The following RAD18 variants were observed in gnomAD, a reference collection of about 807,000 sequenced individuals.
RAD18 encodes the protein RAD18 E3 ubiquitin protein ligase.
RAD18 carries 47 observed loss-of-function variants against 60.4 expected under a neutral mutation model. The ratio of observed to expected loss-of-function variants is 0.78; its 90% confidence interval spans 0.62 to 0.99. The LOEUF (loss-of-function observed/expected upper bound fraction) is 0.99, where lower values mean the gene tolerates loss of function less well. RAD18 is among the 50% of genes least tolerant of loss of function. The pLI, the probability that RAD18 is intolerant of heterozygous loss-of-function variation, is 0.00. For synonymous variants in RAD18, 225 were observed against 195.5 expected (o/e 1.15, Z -1.26); for missense variants, 640 against 593.3 (o/e 1.08, Z -0.82).
chr3:8,926,001 C>T (rs960180360), intron 7 of RAD18, among the ~76,000 whole-genome samples: 5 of 151,656 alleles, frequency 3.3e-5, no homozygotes, highest in Admixed American at 2.0e-4. Context: ...AAAACTGGCA[C>T]AAGACAGGGA....
At chr3:8,886,492 G>T (rs954644419) in intron 12 of RAD18, among the ~76,000 whole-genome samples, 9 of 152,182 alleles carry the variant, frequency 5.9e-5, no homozygotes, top group Non-Finnish European at 1.3e-4. Flanking sequence ...TAAGAACATA[G>T]AATCTACTAG....
intron 7 of RAD18, among the ~76,000 whole-genome samples, chr3:8,932,184 ATT>A (rs770018156): frequency 1.6e-4 from 25 of 152,304 alleles, no homozygotes; most frequent in Admixed American, 3.3e-4. Context: ...AGTAAATTAA[ATT>A]TCGTCAAAAT....
chr3:8,886,732 T>C (rs1939571628), intron 12 of RAD18, among the ~76,000 whole-genome samples: 1 of 152,070 alleles, frequency 6.6e-6, no homozygotes, highest in Non-Finnish European at 1.5e-5. Context: ...GCTATCTAGA[T>C]GAATAAAGGG....
intron 11 of RAD18, among the ~76,000 whole-genome samples, chr3:8,893,422 A>T (rs918499476): frequency 6.6e-6 from 1 of 152,282 alleles, no homozygotes; most frequent in East Asian, 1.9e-4. Flanking sequence ...TGGAGGATCA[A>T]TGCAGGACAA....
chr3:8,921,452 C>T (rs1940318859), intron 7 of RAD18, among the ~76,000 whole-genome samples: 1 of 152,074 alleles, frequency 6.6e-6, no homozygotes, highest in African/African-American at 2.4e-5. Context: ...AGGAGTTCAA[C>T]ATCAGCCTGG....
intron 9 of RAD18, among the ~76,000 whole-genome samples, chr3:8,903,944 C>T (rs1204862845): frequency 6.6e-6 from 1 of 152,044 alleles, no homozygotes; most frequent in East Asian, 1.9e-4. Flanking sequence ...TGAACTATGG[C>T]ATTGTCTAAA....
At chr3:8,889,504 C>T (rs1486930199) in intron 12 of RAD18, among the ~76,000 whole-genome samples, 2 of 152,108 alleles carry the variant, frequency 1.3e-5, no homozygotes, top group Non-Finnish European at 2.9e-5. Context: ...AAGAGATGGA[C>T]ACAGTGCTGT....
chr3:8,951,769 C>G (rs939716154), intron 2 of RAD18, among the ~76,000 whole-genome samples: 3 of 152,188 alleles, frequency 2.0e-5, no homozygotes, highest in African/African-American at 7.2e-5. Flanking sequence ...TTAGCTTGAG[C>G]TGCCATAACA....
intron 7 of RAD18, among the ~76,000 whole-genome samples, chr3:8,931,225 A>G (rs1413223281): frequency 6.6e-6 from 1 of 152,208 alleles, no homozygotes; most frequent in Non-Finnish European, 1.5e-5. Flanking sequence ...AAATAGTAAT[A>G]AACAATGAGA....
Position 8,936,026 on chromosome 3 carries a change from T to G in RAD18, c.734A>C (p.Lys245Thr), listed in dbSNP as rs1940646093. ...ATCAGAGAGCAAATTATATACAGTT[T>G]TGGGCAGCGGCTTCCTTTTGTGAAC... ...SSVHKRKPLPKTVYNLLSDRD... is the reference protein window; with the variant it reads ...SSVHKRKPLPTTVYNLLSDRD... Residue 245 changes from lysine (K) to threonine (T), a missense_variant, in exon 7 of 13, where the codon AAA (lysine) becomes ACA (threonine). By Grantham distance (78) the Lys-to-Thr change is moderately conservative. Transcript: ENST00000264926. 6.2e-7 allele frequency: 1 copy of G among 1,600,750 alleles called. No homozygotes were observed. The highest frequency in any genetic ancestry group is 8.5e-7 in the Non-Finnish European group (1 of 1,174,902).
rs1240809908 is a variant in RAD18 at position 8,878,967 on chromosome 3, T to C, written c.*2390A>G. The C allele has an allele frequency of 6.6e-6, 1 of 152,228 alleles. No individual in the cohort carries two copies. Among genetic ancestry groups the C allele is most frequent in the Non-Finnish European group, 1.5e-5 (1 of 68,040 alleles). 9.4% of individuals were successfully genotyped at this position (152,228 alleles called of 1,614,324 possible). A position where few individuals can be genotyped will look rare whatever the true frequency, so the allele number is the denominator to read the frequency against. ...TTTATCAGTTTCAATTTTGGATCTA[T>C]TACTTACTCTAAGTTCCTTAATCTT... On this transcript the variant is annotated 3_prime_UTR_variant, in exon 13 of 13. Transcript: ENST00000264926.
chr3:8,900,249 G>A (rs547850645), intron 10 of RAD18, among the ~76,000 whole-genome samples: 5 of 152,236 alleles, frequency 3.3e-5, no homozygotes, highest in African/African-American at 9.6e-5. Flanking sequence ...TAGCCAGGAT[G>A]ACCATCCTGA....
chr3:8,932,186 T>A (rs1228576944), intron 7 of RAD18, among the ~76,000 whole-genome samples: 1 of 152,020 alleles, frequency 6.6e-6, no homozygotes, highest in Non-Finnish European at 1.5e-5. Flanking sequence ...TAAATTAAAT[T>A]TCGTCAAAAT....
At chr3:8,955,801 G>T (rs187202224) in intron 2 of RAD18, among the ~76,000 whole-genome samples, 5 of 152,270 alleles carry the variant, frequency 3.3e-5, no homozygotes, top group Admixed American at 2.6e-4. Flanking sequence ...AAAGGCTTAC[G>T]AAGCCCCTAG....
rs1214306176 is a variant in RAD18, at chr3:8,912,808, A to G, written c.967-436T>C. ...AAAAGCAGTATGTATAGAAAATGCA[A>G]TAATACAAAACACAGTAAGTTAAGC... is the stretch of plus-strand genomic sequence containing the variant. On this transcript the variant is annotated intron_variant, in intron 8 of 12. Coordinates refer to ENST00000264926, the MANE Select transcript of RAD18 (RefSeq NM_020165.4). Among the ~76,000 whole-genome samples the G allele has an allele frequency of 2.6e-5, 4 of 152,162 alleles. No homozygotes were observed. In the East Asian group the frequency reaches 5.8e-4, roughly 22 times the overall value.
chr3:8,912,705 C>T (rs45521245), intron 8 of RAD18, among the ~76,000 whole-genome samples: 39 of 75,870 alleles, frequency 5.1e-4, no homozygotes, highest in Non-Finnish European at 8.3e-4. Context: ...ACTAACGACA[C>T]TTAGCTGACT....
chr3:8,910,564 C>G (rs890530035), intron 9 of RAD18, among the ~76,000 whole-genome samples: 2 of 151,174 alleles, frequency 1.3e-5, no homozygotes, highest in Non-Finnish European at 2.9e-5. Context: ...GCCAAGATAG[C>G]GCCACTGCAC....
intron 2 of RAD18, among the ~76,000 whole-genome samples, chr3:8,955,315 T>C (rs1332240171): frequency 6.6e-6 from 1 of 152,228 alleles, no homozygotes; most frequent in Non-Finnish European, 1.5e-5. Context: ...TCCAATGTTC[T>C]AGCTTTTCCA....
rs542916459 is a variant in RAD18, at chr3:8,892,815, G to A, written c.1323-2364C>T. Among the ~76,000 whole-genome samples, 6 of 152,282 alleles carry A rather than the reference G, an allele frequency of 3.9e-5. No individual in the cohort carries two copies. In the South Asian group the frequency reaches 1.2e-3, roughly 32 times the overall value. On this transcript the variant is annotated intron_variant, in intron 11 of 12. Transcript: ENST00000264926. ...TGTATGACTGGTAATGTTAGTTAGA[G>A]AAAAAACCCTCAGATTTCGGTGTCA...
Sources: gnomAD v4.1 joint callset for allele counts (sites outside exome capture counted in the v4.1 genomes callset) on GRCh38, gnomAD v4.1.1 for gene constraint, MANE v1.5 for transcripts, NCBI Gene and HGNC (gene_info 2026-07-23, HGNC 2026-07-21) for gene names.